The following PPIP5K2 variants were observed in gnomAD, a reference collection of about 807,000 sequenced individuals.
PPIP5K2 encodes diphosphoinositol pentakisphosphate kinase 2, also known as inositol hexakisphosphate and diphosphoinositol-pentakisphosphate kinase 2.
A neutral mutation model predicts 154.6 loss-of-function variants in PPIP5K2; 105 were observed. The observed-to-expected ratio is 0.68, with a 90% CI of 0.58 to 0.80. The LOEUF (loss-of-function observed/expected upper bound fraction) is 0.80. Ranked by LOEUF, PPIP5K2 falls within the 30% of genes least tolerant of loss-of-function variation. The pLI is 0.00. For synonymous variants in PPIP5K2, 480 were observed against 490.3 expected (o/e 0.98, Z 0.28); for missense variants, 992 against 1,504.6 (o/e 0.66, Z 5.64).
chr5:103,140,470 A>G (rs1008093854), intron 5 of PPIP5K2, among the ~76,000 whole-genome samples: 1 of 152,240 alleles, frequency 6.6e-6, no homozygotes, highest in Admixed American at 6.5e-5. Flanking sequence ...CTAAGCAGAA[A>G]GCTTATAGGC....
chr5:103,148,278 A>G, intron 7 of PPIP5K2: 1 of 469,524 alleles, frequency 2.1e-6, no homozygotes, highest in South Asian at 1.9e-5. Context: ...TTATTCAAAT[A>G]TAATAAAATA....
At chr5:103,122,843 G>A (rs1554199547) in intron 1 of PPIP5K2, among the ~76,000 whole-genome samples, 1 of 152,194 alleles carries the variant, frequency 6.6e-6, no homozygotes, top group East Asian at 1.9e-4. Flanking sequence ...CAGGTAAGGG[G>A]GATCTGAATA....
rs113479255 is a variant in PPIP5K2, at chr5:103,180,102, A to T, written c.2836A>T (p.Ile946Leu). 3.6e-5 allele frequency: 58 copies of T among 1,605,638 alleles called. No individual in the cohort carries two copies. The Middle Eastern group carries it at 1.8e-3, about 50-fold the overall frequency. Residue 946 changes from isoleucine (I) to leucine (L), a missense_variant, in exon 24 of 31, where the codon ATA becomes TTA. Ile to Leu is a conservative substitution (Grantham distance 5). Coordinates refer to ENST00000358359, the MANE Select transcript of PPIP5K2 (RefSeq NM_001276277.3). ...AAGAGATGAAGTTGATCGAGCTGTG[A>T]TATTGTTTAAACCAATGGTATCAGA... The part of the protein sequence containing the change: ...SKRDEVDRAV[I>L]LFKPMVSEPI...
At chr5:103,188,277 A>G (rs536009807) in intron 28 of PPIP5K2, among the ~76,000 whole-genome samples, 2 of 152,266 alleles carry the variant, frequency 1.3e-5, no homozygotes, top group South Asian at 4.1e-4. Flanking sequence ...TGTATTATAC[A>G]TGGAATGAAG....
chr5:103,123,537 TAAC>T (rs1554199735), intron 1 of PPIP5K2, among the ~76,000 whole-genome samples: 1 of 152,242 alleles, frequency 6.6e-6, no homozygotes, highest in Non-Finnish European at 1.5e-5. Context: ...TTTAGTAGCA[TAAC>T]ACTCATTTCA....
Position 103,184,668 on chromosome 5 carries a change from G to T in PPIP5K2, c.3097-4G>T, listed in dbSNP as rs1430877526. The T allele has an allele frequency of 1.2e-6, 2 of 1,607,454 alleles. No individual in the cohort carries two copies. Among genetic ancestry groups the T allele is most frequent in the Admixed American group, 1.7e-5 (1 of 59,926 alleles). Reference sequence around the variant, plus strand: ...ACTTCATTTATTTTGGATTCCTTATGCAGGTTGTATCTGAAAATGCTAATT... The same window carrying T: ...ACTTCATTTATTTTGGATTCCTTATTCAGGTTGTATCTGAAAATGCTAATT... On this transcript the variant is annotated splice_polypyrimidine_tract_variant and splice_region_variant and intron_variant, in intron 25 of 30. Transcript: ENST00000358359.
intron 18 of PPIP5K2, among the ~76,000 whole-genome samples, chr5:103,167,646 G>T (rs1797339506): frequency 6.6e-6 from 1 of 151,916 alleles, no homozygotes; most frequent in African/African-American, 2.4e-5. Context: ...AGCTTACTTG[G>T]TTAGTAACTC....
Position 103,205,934 on chromosome 5 carries a change from A to C in PPIP5K2, c.*4300A>C, listed in dbSNP as rs942800981. On this transcript the variant is annotated 3_prime_UTR_variant, in exon 31 of 31. Transcript: ENST00000358359. ...CACTTTGTTTTAGGTTATTTAATATAGTATATATTGGGTTTTGCTTTGTGA... is the reference window on the plus strand; with the variant it reads ...CACTTTGTTTTAGGTTATTTAATATCGTATATATTGGGTTTTGCTTTGTGA... The C allele has an allele frequency of 3.0e-4, 46 of 152,122 alleles. No individual in the cohort carries two copies. Among genetic ancestry groups the C allele is most frequent in the African/African-American group, 1.0e-3 (43 of 41,434 alleles). The allele number at this position is 152,122 out of a possible 1,614,324, so 9.4% of individuals were successfully genotyped here. A position where few individuals can be genotyped will look rare whatever the true frequency, so the allele number is the denominator to read the frequency against.
intron 19 of PPIP5K2, among the ~76,000 whole-genome samples, chr5:103,169,227 C>A (rs191284182): frequency 1.6e-4 from 24 of 151,678 alleles, no homozygotes; most frequent in African/African-American, 5.8e-4. Context: ...GAACAAAGTT[C>A]CAGATGTCAC....
chr5:103,170,658 A>AT (rs571928528), intron 19 of PPIP5K2, among the ~76,000 whole-genome samples: 2,556 of 146,258 alleles, frequency 0.017, 61 homozygotes, highest in African/African-American at 0.059. Flanking sequence ...GAAACTTTGG[A>AT]TTTTTTTTTT....
chr5:103,179,187 T>C (rs115609233), intron 23 of PPIP5K2, among the ~76,000 whole-genome samples: 264 of 152,112 alleles, frequency 1.7e-3, no homozygotes, highest in African/African-American at 6.1e-3. Context: ...ATATCCCTTA[T>C]TTGATTAAAG....
At chr5:103,145,092 A>G (rs1485237638) in intron 5 of PPIP5K2, among the ~76,000 whole-genome samples, 2 of 152,168 alleles carry the variant, frequency 1.3e-5, no homozygotes, top group Non-Finnish European at 2.9e-5. Flanking sequence ...AATATGGGCA[A>G]AAGATTTGAA....
At chr5:103,132,054 A>T (rs193215254) in intron 2 of PPIP5K2, among the ~76,000 whole-genome samples, 2 of 152,314 alleles carry the variant, frequency 1.3e-5, no homozygotes, top group African/African-American at 4.8e-5. Context: ...AATGAACTGT[A>T]CCAAAACTTT....
At chr5:103,132,798 A>C (rs1554203049) in intron 2 of PPIP5K2, among the ~76,000 whole-genome samples, 1 of 152,236 alleles carries the variant, frequency 6.6e-6, no homozygotes, top group African/African-American at 2.4e-5. Context: ...GGAGCTACTC[A>C]TAAATCAGTT....
chr5:103,137,649 A>G (rs920178197), intron 4 of PPIP5K2, among the ~76,000 whole-genome samples: 1 of 152,054 alleles, frequency 6.6e-6, no homozygotes, highest in African/African-American at 2.4e-5. Flanking sequence ...CCAGCATTCT[A>G]TTTTCTTGTT....
intron 28 of PPIP5K2, among the ~76,000 whole-genome samples, chr5:103,188,351 C>T (rs1412104106): frequency 6.6e-6 from 1 of 152,100 alleles, no homozygotes; most frequent in Admixed American, 6.6e-5. Context: ...AAACTCAAGT[C>T]AGATCTTTCA....
chr5:103,126,752 T>G (rs1789750249), intron 1 of PPIP5K2, among the ~76,000 whole-genome samples: 1 of 151,566 alleles, frequency 6.6e-6, no homozygotes, highest in Non-Finnish European at 1.5e-5. Flanking sequence ...CACGTTTTTT[T>G]TTTTTTTTTC....
At chr5:103,120,597 C>T (rs1788491534) in intron 1 of PPIP5K2, 109 bp downstream of exon 1, 22 of 440,388 alleles carry the variant, frequency 5.0e-5, no homozygotes, top group South Asian at 3.5e-4. Context: ...AGACCCTAAA[C>T]ACATGCTCCA....
At chr5:103,158,146 A>G in intron 14 of PPIP5K2, 42 bp from the exon 15 acceptor site, 1 of 1,592,316 alleles carries the variant, frequency 6.3e-7, no homozygotes, top group Non-Finnish European at 8.6e-7. Flanking sequence ...TGTTTAAAGA[A>G]ATAAACTTAA....
Sources: allele counts gnomAD v4.1 joint callset (sites outside exome capture counted in the v4.1 genomes callset), GRCh38; gene constraint gnomAD v4.1.1; transcripts MANE v1.5; gene names NCBI Gene and HGNC (gene_info 2026-07-23, HGNC 2026-07-21).